The following BBS9 variants were observed in gnomAD, a reference collection of about 807,000 sequenced individuals.
BBS9 encodes Bardet-Biedl syndrome 9, also known as protein PTHB1.
In BBS9, 89 loss-of-function variants were observed where a neutral mutation model predicts 117.7. That is an observed-to-expected ratio of 0.76 (90% confidence interval 0.64 to 0.90). The LOEUF (loss-of-function observed/expected upper bound fraction) is 0.90, where lower values mean the gene tolerates loss of function less well. BBS9 is among the 40% of genes least tolerant of loss of function. The probability of loss-of-function intolerance (pLI) is 0.00; values close to 1 mark genes in which losing one functional copy is unlikely to be tolerated. For synonymous variants in BBS9, 379 were observed against 370.9 expected (o/e 1.02, Z -0.25); for missense variants, 982 against 1,042.2 (o/e 0.94, Z 0.80).
intron 21 of BBS9, among the ~76,000 whole-genome samples, chr7:33,564,529 A>G (rs1467599202): frequency 2.0e-5 from 3 of 152,170 alleles, no homozygotes; most frequent in African/African-American, 7.2e-5. Context: ...TTAGCATAGG[A>G]CCTAGCCCAT....
chr7:33,367,604 G>A (rs548692713), intron 16 of BBS9, among the ~76,000 whole-genome samples, 163 bp from the exon 17 acceptor site: 17 of 152,272 alleles, frequency 1.1e-4, no homozygotes, highest in African/African-American at 3.6e-4. Context: ...TCATTAATTG[G>A]AAGCTACTAT....
At chr7:33,352,153 C>T (rs2128669940) in intron 14 of BBS9, 1 of 152,884 alleles carries the variant, frequency 6.5e-6, no homozygotes, top group African/African-American at 2.4e-5. Context: ...ATTACTCCAA[C>T]ATTAGGGCAG....
intron 6 of BBS9, among the ~76,000 whole-genome samples, chr7:33,259,476 A>G (rs1215551651): frequency 2.0e-5 from 3 of 152,188 alleles, no homozygotes; most frequent in Non-Finnish European, 4.4e-5. Context: ...AGATCAATCT[A>G]ATTCAGGGGC....
chr7:33,627,807 C>A (rs991059850), intron 21 of BBS9, among the ~76,000 whole-genome samples: 4 of 152,164 alleles, frequency 2.6e-5, no homozygotes, highest in African/African-American at 7.2e-5. Context: ...CTTTGGGAGG[C>A]CGAGGCAGGT....
chr7:33,543,172 A>G (rs1852683956), intron 21 of BBS9, among the ~76,000 whole-genome samples: 1 of 152,120 alleles, frequency 6.6e-6, no homozygotes, highest in Non-Finnish European at 1.5e-5. Context: ...GTAAGGTGGT[A>G]TCCCATTGTG....
chr7:33,172,565 ATTTGC>A (rs762457676), intron 4 of BBS9, among the ~76,000 whole-genome samples: 1 of 152,148 alleles, frequency 6.6e-6, no homozygotes, highest in African/African-American at 2.4e-5. Context: ...CAATTTTAGA[ATTTGC>A]TTTATTTACC....
chr7:33,208,269 T>C lies in BBS9; in HGVS notation c.442+30678T>C, dbSNP rs143618844. ...AGCCACATATTCATTTGCTCATGTCTATAATACATCTAAAGTAGCTGCAGA... is the reference window on the plus strand; with the variant it reads ...AGCCACATATTCATTTGCTCATGTCCATAATACATCTAAAGTAGCTGCAGA... On this transcript the variant is annotated intron_variant, in intron 5 of 22. Transcript: ENST00000242067. 1.8e-3 allele frequency among the ~76,000 whole-genome samples: 269 copies of C among 152,362 alleles called. 1 individual carries two copies. Among genetic ancestry groups the C allele is most frequent in the African/African-American group, 6.2e-3 (256 of 41,586 alleles).
chr7:33,200,553 A>G (rs551500927), intron 5 of BBS9, among the ~76,000 whole-genome samples: 10 of 152,266 alleles, frequency 6.6e-5, no homozygotes, highest in African/African-American at 2.2e-4. Flanking sequence ...AAGGAAAATG[A>G]TCTTAGTGGA....
chr7:33,574,818 G>A (rs1046540919), intron 21 of BBS9, among the ~76,000 whole-genome samples: 1 of 117,110 alleles, frequency 8.5e-6, no homozygotes, highest in African/African-American at 6.7e-5. Flanking sequence ...TTCAGAGTGA[G>A]TGGAAAGACT....
intron 9 of BBS9, among the ~76,000 whole-genome samples, chr7:33,293,196 T>A (rs1244507728): frequency 6.6e-6 from 1 of 152,006 alleles, no homozygotes; most frequent in East Asian, 1.9e-4. Context: ...CATGAAAATA[T>A]TTTATATTTT....
In BBS9 at chr7:33,349,047, TAAC is replaced by T. The variant is rs1429217683; in HGVS notation, c.1330-18_1330-16del. Reference sequence around the variant, plus strand: ...TGAATAAAATGTAATTTTCTATTGATAACAATTTCTGTTTCCTTAGGTCACACT... The same window carrying T: ...TGAATAAAATGTAATTTTCTATTGATAATTTCTGTTTCCTTAGGTCACACT... On this transcript the variant is annotated intron_variant, in intron 12 of 22. Coordinates refer to ENST00000242067, the MANE Select transcript of BBS9 (RefSeq NM_198428.3). 6 of 1,496,938 alleles carry T rather than the reference TAAC, an allele frequency of 4.0e-6. No homozygotes were observed. Among genetic ancestry groups the T allele is most frequent in the Non-Finnish European group, 5.6e-6 (6 of 1,074,258 alleles). 92.7% of individuals were successfully genotyped at this position (1,496,938 alleles called of 1,614,324 possible).
chr7:33,479,839 TA>T (rs1484313698), intron 19 of BBS9, among the ~76,000 whole-genome samples: 1 of 152,192 alleles, frequency 6.6e-6, no homozygotes, highest in Non-Finnish European at 1.5e-5. Context: ...AGTGTTTTTT[TA>T]TATATTTGTT....
At chr7:33,543,710 G>C (rs546348028) in intron 21 of BBS9, among the ~76,000 whole-genome samples, 1 of 152,098 alleles carries the variant, frequency 6.6e-6, no homozygotes, top group African/African-American at 2.4e-5. Flanking sequence ...AATTTCCCAG[G>C]TGTTCTTTGA....
Position 33,357,969 on chromosome 7 carries a change from C to T in BBS9, c.1667C>T (p.Pro556Leu), listed in dbSNP as rs1309448923. ...HKITIDTNKS[P>L]VSLLSLFPGF... ...ATTACTATTGATACCAACAAATCTC[C>T]AGTCAGTCTTCTTAGTCTCTTCCCA... The change falls in exon 16 of 23, where the codon CCA becomes CTA. Residue 556 changes from proline (P) to leucine (L), a missense_variant. Pro to Leu is a moderately conservative substitution (Grantham distance 98). Coordinates refer to ENST00000242067, the MANE Select transcript of BBS9 (RefSeq NM_198428.3). 3 of 1,612,440 alleles carry T rather than the reference C, an allele frequency of 1.9e-6. No homozygotes were observed. Among genetic ancestry groups the T allele is most frequent in the East Asian group, 2.2e-5 (1 of 44,810 alleles).
chr7:33,599,870 C>G (rs926031482), intron 21 of BBS9, among the ~76,000 whole-genome samples: 11 of 152,054 alleles, frequency 7.2e-5, no homozygotes, highest in Non-Finnish European at 1.5e-5. Context: ...TTATATTCCA[C>G]CTAGCAGTGG....
intron 21 of BBS9, among the ~76,000 whole-genome samples, chr7:33,567,588 G>A (rs1223848222): frequency 1.3e-5 from 2 of 151,846 alleles, no homozygotes; most frequent in East Asian, 3.9e-4. Flanking sequence ...TCTGTCCTTG[G>A]CTCTTCTCAT....
At chr7:33,390,236 G>C in intron 19 of BBS9, 1 of 985,174 alleles carries the variant, frequency 1.0e-6, no homozygotes, top group Non-Finnish European at 1.2e-6. Flanking sequence ...TCTTTTTGTA[G>C]ACACAATGGT....
At chr7:33,400,739 G>A (rs1828772950) in intron 19 of BBS9, among the ~76,000 whole-genome samples, 1 of 152,150 alleles carries the variant, frequency 6.6e-6, no homozygotes, top group South Asian at 2.1e-4. Flanking sequence ...AATACACAGA[G>A]AGCTAATAGT....
chr7:33,399,252 A>G (rs1434666800), intron 19 of BBS9, among the ~76,000 whole-genome samples: 1 of 151,258 alleles, frequency 6.6e-6, no homozygotes, highest in East Asian at 1.9e-4. Context: ...TAGTCTTTTT[A>G]AATTCTTATT....
Sources: allele counts gnomAD v4.1 joint callset (sites outside exome capture counted in the v4.1 genomes callset), GRCh38; gene constraint gnomAD v4.1.1; transcripts MANE v1.5; gene names NCBI Gene and HGNC (gene_info 2026-07-23, HGNC 2026-07-21).